Variants in MED31 observed in about 807,000 individuals in gnomAD.
The protein encoded by MED31 is mediator complex subunit 31, also known as mediator of RNA polymerase II transcription subunit 31.
Under a neutral mutation model 22.0 loss-of-function variants are expected in MED31, and 11 were observed. The observed-to-expected ratio is 0.50, with a 90% CI of 0.31 to 0.83. The LOEUF (loss-of-function observed/expected upper bound fraction) is 0.83, where lower values mean the gene tolerates loss of function less well. Among genes scored for constraint, MED31 ranks in the 40% least tolerant of loss-of-function variants. The pLI, the probability that MED31 is intolerant of heterozygous loss-of-function variation, is 0.04. For missense variants in MED31, 122 were observed against 155.3 expected, an observed-to-expected ratio of 0.79 and a Z score of 1.14; for synonymous variants, 60 against 55.1, an observed-to-expected ratio of 1.09 and a Z score of -0.40.
chr17:6,644,908 CT>C (rs1972747809), intron 3 of MED31, among the ~76,000 whole-genome samples: 1 of 152,216 alleles, frequency 6.6e-6, no homozygotes, highest in Non-Finnish European at 1.5e-5. Flanking sequence ...AACACAGTAA[CT>C]GGTAAGCAGA....
Position 6,651,510 on chromosome 17 carries a change from T to G in MED31, c.19A>C (p.Met7Leu), listed in dbSNP as rs772284424. The change falls in exon 1 of 4, where the codon ATG (methionine) becomes CTG (leucine). Residue 7 changes from methionine to leucine, a missense_variant. By Grantham distance (15) the Met-to-Leu change is conservative. Transcript: ENST00000225728. ...TCAGAGAGCTACTCACCTGTCTCCA[T>G]AGCGACAGCAGCGGCCATAACAAAC... is the stretch of plus-strand genomic sequence containing the variant. MAAAVA[M>L]ETDDAGNRLR... The G allele has an allele frequency of 7.4e-6, 12 of 1,614,140 alleles. No individual in the cohort carries two copies. The Admixed American group carries it at 2.0e-4, about 27-fold the overall frequency.
intron 3 of MED31, among the ~76,000 whole-genome samples, chr17:6,648,981 G>A (rs1159190355): frequency 6.6e-6 from 1 of 152,170 alleles, no homozygotes; most frequent in Admixed American, 6.5e-5. Flanking sequence ...TTAAAAGTCT[G>A]TTCTTTGGAT....
Position 6,644,458 on chromosome 17 carries a change from T to A in MED31, c.*9A>T. The A allele has an allele frequency of 6.3e-7, 1 of 1,585,776 alleles. No individual in the cohort carries two copies. The highest frequency in any genetic ancestry group is 8.6e-7 in the Non-Finnish European group (1 of 1,167,618). ...ACATGTATTAAGTGCCTCGTTTGTA[T>A]CCAGTTTTTCATTTTCCCGATGTGT... On this transcript the variant is annotated 3_prime_UTR_variant, in exon 4 of 4. Coordinates refer to ENST00000225728, the MANE Select transcript of MED31 (RefSeq NM_016060.3).
intron 1 of MED31, 39 bp downstream of exon 1, chr17:6,651,462 T>C: frequency 6.2e-7 from 1 of 1,611,472 alleles, no homozygotes; most frequent in Non-Finnish European, 8.5e-7. Flanking sequence ...TCAAGGAGAG[T>C]TCCATCTGCG....
chr17:6,650,258 A>G, intron 2 of MED31, 98 bp downstream of exon 2: 1 of 1,345,470 alleles, frequency 7.4e-7, no homozygotes, highest in Admixed American at 1.8e-5. Context: ...ATGTCATTCA[A>G]CTGAGAATGT....
chr17:6,650,173 C>A, intron 2 of MED31, 95 bp from the exon 3 acceptor site: 1 of 1,295,946 alleles, frequency 7.7e-7, no homozygotes, highest in South Asian at 1.4e-5. Context: ...ACATAACACC[C>A]CCACCACCAA....
chr17:6,650,989 C>T (rs1474278905), intron 1 of MED31, among the ~76,000 whole-genome samples: 2 of 151,408 alleles, frequency 1.3e-5, no homozygotes, highest in African/African-American at 2.4e-5. Flanking sequence ...GGAGCGGTGG[C>T]GGGCTCCTGT....
chr17:6,645,169 T>C (rs762125992), intron 3 of MED31, among the ~76,000 whole-genome samples: 9 of 152,162 alleles, frequency 5.9e-5, no homozygotes, highest in Non-Finnish European at 1.0e-4. Context: ...GCAAATATAC[T>C]GTGGATAAGG....
At chr17:6,650,924 C>A (rs1972825396) in intron 1 of MED31, among the ~76,000 whole-genome samples, 1 of 151,790 alleles carries the variant, frequency 6.6e-6, no homozygotes, top group Non-Finnish European at 1.5e-5. Flanking sequence ...TCGAGACCAT[C>A]CTGGCTAACA....
chr17:6,650,020 CAA>C lies in MED31; in HGVS notation c.163_164del (p.Leu55AlafsTer27). ...CATATTCTGGGTCTTTCCAGTAAAG[CAA>C]GTATTTAAGATAATTAACAAAAGCT... ...DKAFVNYLKY[L>X]LYWKDPEYAK... is the part of the protein sequence containing the mutation. On this transcript the variant is annotated frameshift_variant, in exon 3 of 4. Coordinates refer to ENST00000225728, the MANE Select transcript of MED31 (RefSeq NM_016060.3). LOFTEE classifies it high-confidence loss of function. The C allele has an allele frequency of 6.2e-7, 1 of 1,603,992 alleles. No homozygotes were observed. Among genetic ancestry groups the C allele is most frequent in the Non-Finnish European group, 8.5e-7 (1 of 1,177,594 alleles).
chr17:6,646,039 A>G (rs1232574279), intron 3 of MED31, among the ~76,000 whole-genome samples: 1 of 152,236 alleles, frequency 6.6e-6, no homozygotes, highest in Admixed American at 6.5e-5. Flanking sequence ...TGAAGGATAC[A>G]AATCATTTCT....
intron 3 of MED31, among the ~76,000 whole-genome samples, chr17:6,648,592 TA>T (rs1567602800): frequency 6.6e-6 from 1 of 152,164 alleles, no homozygotes; most frequent in Non-Finnish European, 1.5e-5. Flanking sequence ...TGGCAAGTAT[TA>T]AAAAAACTAA....
chr17:6,645,206 A>C (rs1323907290), intron 3 of MED31, among the ~76,000 whole-genome samples: 1 of 152,260 alleles, frequency 6.6e-6, no homozygotes, highest in East Asian at 1.9e-4. Context: ...CTATCAGAAA[A>C]GGAGTTATAG....
rs745412643 is a variant in MED31 at position 6,644,498 on chromosome 17, T to C, written c.365A>G (p.Gln122Arg). ...RMRLQQALAE[Q>R]QQQNNTSGK The stretch of plus-strand genomic sequence containing the variant: ...TCCCGATGTGTTATTTTGCTGTTGC[T>C]GCTCTGCCAAGGCTTGCTGAAGGCG... Residue 122 changes from glutamine to arginine, a missense_variant, in exon 4 of 4, where the codon CAG becomes CGG. Gln to Arg is a conservative substitution (Grantham distance 43). Coordinates refer to ENST00000225728, the MANE Select transcript of MED31 (RefSeq NM_016060.3). 2 of 1,606,114 alleles carry C rather than the reference T, an allele frequency of 1.2e-6. No individual in the cohort carries two copies. The highest frequency in any genetic ancestry group is 4.5e-5 in the East Asian group (2 of 44,818).
intron 3 of MED31, among the ~76,000 whole-genome samples, chr17:6,648,136 AAT>A (rs555153832): frequency 1.3e-5 from 2 of 152,250 alleles, no homozygotes; most frequent in Non-Finnish European, 2.9e-5. Flanking sequence ...CCCCAAAAGT[AAT>A]ATAAACTTAA....
chr17:6,651,403 C>T, intron 1 of MED31, 98 bp downstream of exon 1: 9 of 1,475,432 alleles, frequency 6.1e-6, no homozygotes, highest in East Asian at 2.3e-5. Context: ...CAAATATTAA[C>T]CCTGCCAAGA....
intron 3 of MED31, among the ~76,000 whole-genome samples, chr17:6,645,973 C>T (rs1431460434): frequency 4.6e-5 from 7 of 152,138 alleles, no homozygotes; most frequent in African/African-American, 1.7e-4. Flanking sequence ...AACCAAGTTA[C>T]CAAAATTTAC....
In MED31 at chr17:6,644,162, C is replaced by T. The variant is rs560531210; in HGVS notation, c.*305G>A. On this transcript the variant is annotated 3_prime_UTR_variant, in exon 4 of 4. Coordinates refer to ENST00000225728, the MANE Select transcript of MED31 (RefSeq NM_016060.3). Reference sequence around the variant, plus strand: ...AATTCAGTATACTTGGTGGCCCACCCCTACCCCATGCCCCAGTGCCTTATT... The same window carrying T: ...AATTCAGTATACTTGGTGGCCCACCTCTACCCCATGCCCCAGTGCCTTATT... The T allele has an allele frequency of 6.3e-5, 28 of 446,614 alleles. No individual in the cohort carries two copies. Among genetic ancestry groups the T allele is most frequent in the East Asian group, 3.0e-4 (9 of 29,728 alleles). The allele number at this position is 446,614 out of a possible 1,614,324, so 27.7% of individuals were successfully genotyped here.
intron 1 of MED31, 64 bp from the exon 2 acceptor site, chr17:6,650,497 G>T: frequency 6.8e-7 from 1 of 1,473,180 alleles, no homozygotes; most frequent in Non-Finnish European, 9.4e-7. Context: ...CTGATTTGTA[G>T]TAAGGAAAGA....
Sources: gnomAD v4.1 joint callset for allele counts (sites outside exome capture counted in the v4.1 genomes callset) on GRCh38, gnomAD v4.1.1 for gene constraint, MANE v1.5 for transcripts, NCBI Gene and HGNC (gene_info 2026-07-23, HGNC 2026-07-21) for gene names.